DENND1A: variants seen among roughly 807,000 people sequenced by gnomAD.
DENND1A encodes DENN domain-containing protein 1A.
DENND1A carries 51 observed loss-of-function variants against 113.7 expected under a neutral mutation model. That is an observed-to-expected ratio of 0.45 (90% confidence interval 0.36 to 0.57). The LOEUF (loss-of-function observed/expected upper bound fraction) is 0.57, where lower values mean the gene tolerates loss of function less well. Among genes scored for constraint, DENND1A ranks in the 20% least tolerant of loss-of-function variants. The probability of loss-of-function intolerance (pLI) is 0.00; values close to 1 mark genes in which losing one functional copy is unlikely to be tolerated. For missense variants in DENND1A, 1,258 were observed against 1,395.9 expected, an observed-to-expected ratio of 0.90 and a Z score of 1.57; for synonymous variants, 565 against 570.8, an observed-to-expected ratio of 0.99 and a Z score of 0.14.
At chr9:123,420,956 T>C (rs2045241483) in intron 19 of DENND1A, among the ~76,000 whole-genome samples, 1 of 151,164 alleles carries the variant, frequency 6.6e-6, no homozygotes, top group Non-Finnish European at 1.5e-5. Flanking sequence ...ATCCCATTGG[T>C]GGCCGGAGGT....
chr9:123,485,537 C>T (rs546170628), intron 13 of DENND1A: 1 of 152,228 alleles, frequency 6.6e-6, no homozygotes, highest in African/African-American at 2.4e-5. Flanking sequence ...AGCAGGGCTC[C>T]CCCACCTGAG....
chr9:123,689,330 T>C (rs1007649543), intron 5 of DENND1A, among the ~76,000 whole-genome samples: 1 of 152,234 alleles, frequency 6.6e-6, no homozygotes, highest in Non-Finnish European at 1.5e-5. Flanking sequence ...TGGCCTCTGA[T>C]GTAAATTCAT....
intron 12 of DENND1A, among the ~76,000 whole-genome samples, chr9:123,575,955 T>C (rs2058613366): frequency 6.6e-6 from 1 of 152,222 alleles, no homozygotes; most frequent in African/African-American, 2.4e-5. Context: ...ACAATGTATG[T>C]TTAATGTAAA....
At chr9:123,432,541 G>A (rs748178676) in intron 19 of DENND1A, among the ~76,000 whole-genome samples, 4 of 152,162 alleles carry the variant, frequency 2.6e-5, no homozygotes, top group Admixed American at 6.5e-5. Flanking sequence ...TGGAGGGAGC[G>A]GAGTGGGGAG....
Position 123,383,696 on chromosome 9 carries a change from G to T in DENND1A, c.1978C>A (p.Pro660Thr). Residue 660 changes from proline to threonine, a missense_variant, in exon 23 of 24, where the codon CCC becomes ACC. Pro to Thr is a conservative substitution (Grantham distance 38). This residue lies in a region of DENND1A where 1,159 missense variants were observed against 1,231.7 expected (regional missense o/e 0.94). Transcript: ENST00000394215. ...CCTGGCTGCTCCCTCAGGTCTTTGG[G>T]GGCACGAAGGTCCTCTAAGCTCTTG... ...QAKSLEDLRA[P>T]KDLREQPGTF... 4 of 1,614,078 alleles carry T rather than the reference G, an allele frequency of 2.5e-6. No individual in the cohort carries two copies. Among genetic ancestry groups the T allele is most frequent in the Non-Finnish European group, 3.4e-6 (4 of 1,180,018 alleles).
intron 2 of DENND1A, among the ~76,000 whole-genome samples, chr9:123,833,771 C>G (rs1840646124): frequency 6.6e-6 from 1 of 152,106 alleles, no homozygotes; most frequent in Non-Finnish European, 1.5e-5. Context: ...GTCTTAAAAC[C>G]AGCTTCAGGC....
chr9:123,494,407 C>T (rs915091893), intron 13 of DENND1A, among the ~76,000 whole-genome samples: 11 of 152,174 alleles, frequency 7.2e-5, no homozygotes, highest in South Asian at 2.1e-4. Context: ...GGTGGGGGTA[C>T]GTCAGTTTCA....
At chr9:123,672,826 G>C (rs552661691) in intron 6 of DENND1A, among the ~76,000 whole-genome samples, 2 of 152,300 alleles carry the variant, frequency 1.3e-5, no homozygotes, top group African/African-American at 4.8e-5. Flanking sequence ...CCAGTCTGTG[G>C]TATTCTGTTA....
Position 123,817,811 on chromosome 9 carries a change from G to A in DENND1A, c.89-25181C>T, listed in dbSNP as rs138549671. 2.2e-3 allele frequency among the ~76,000 whole-genome samples: 332 copies of A among 152,210 alleles called. 1 individual carries two copies. Among genetic ancestry groups the A allele is most frequent in the African/African-American group, 7.6e-3 (317 of 41,534 alleles). On this transcript the variant is annotated intron_variant, in intron 2 of 23. Coordinates refer to ENST00000394215, the MANE Select transcript of DENND1A (RefSeq NM_001352964.2). ...GGAGGCCGAGGTGGGTGGATCACCT[G>A]AGGTCAGGAATTCGAGACCAGCCTG...
At chr9:123,509,741 G>T (rs1350189140) in intron 13 of DENND1A, among the ~76,000 whole-genome samples, 1 of 152,152 alleles carries the variant, frequency 6.6e-6, no homozygotes, top group Non-Finnish European at 1.5e-5. Flanking sequence ...TTGTATGCTG[G>T]ATGCTTACAC....
intron 5 of DENND1A, among the ~76,000 whole-genome samples, chr9:123,719,906 C>T (rs533941614): frequency 8.5e-5 from 13 of 152,212 alleles, no homozygotes; most frequent in South Asian, 4.1e-4. Context: ...TAGAACATTT[C>T]GGATTTTGAA....
chr9:123,451,469 C>T lies in DENND1A; in HGVS notation c.1300-720G>A, dbSNP rs138149041. ...CAGATGTGCTCTCCTATTTTCACTC[C>T]GCTGTGGACACGAGTCTTACAAATA... is the stretch of plus-strand genomic sequence containing the variant. On this transcript the variant is annotated intron_variant, in intron 17 of 23. Coordinates refer to ENST00000394215, the MANE Select transcript of DENND1A (RefSeq NM_001352964.2). Among the ~76,000 whole-genome samples the T allele has an allele frequency of 4.4e-3, 669 of 152,274 alleles. 4 individuals are homozygous for T. Among genetic ancestry groups the T allele is most frequent in the African/African-American group, 0.015 (634 of 41,552 alleles).
intron 9 of DENND1A, among the ~76,000 whole-genome samples, chr9:123,648,133 G>A (rs1345454606): frequency 6.6e-6 from 1 of 152,192 alleles, no homozygotes; most frequent in Non-Finnish European, 1.5e-5. Flanking sequence ...ACGCTGGAGT[G>A]AAGTGGTATG....
At chr9:123,544,970 C>T (rs1158930439) in intron 13 of DENND1A, among the ~76,000 whole-genome samples, 3 of 151,988 alleles carry the variant, frequency 2.0e-5, no homozygotes, top group East Asian at 1.9e-4. Context: ...TGGTGGCGGG[C>T]GCCTGTAGTC....
chr9:123,733,159 T>C lies in DENND1A; in HGVS notation c.302+24544A>G, dbSNP rs545606915. Among the ~76,000 whole-genome samples, 3 of 152,260 alleles carry C rather than the reference T, an allele frequency of 2.0e-5. No homozygotes were observed. In the South Asian group the frequency reaches 6.2e-4, roughly 32 times the overall value. ...ACCACACTCGGCTAATTTTGTATTT[T>C]TAGTAGAGACGGGGTTTCTCCATGT... On this transcript the variant is annotated intron_variant, in intron 5 of 23. Transcript: ENST00000394215.
At position 123,438,579 on chromosome 9, in the gene DENND1A, C is replaced by T. The variant is rs1016552061; in HGVS notation, c.1488+1781G>A. On this transcript the variant is annotated intron_variant, in intron 19 of 23. Transcript: ENST00000394215. ...TGATACTAGGGGCTTGACCTTAATC[C>T]GCATGCATGCATTAAAAAAAAAAAT... Among the ~76,000 whole-genome samples the T allele has an allele frequency of 3.9e-5, 6 of 151,942 alleles. 1 individual carries two copies. The highest frequency in any genetic ancestry group is 2.1e-4 in the South Asian group (1 of 4,818).
intron 5 of DENND1A, among the ~76,000 whole-genome samples, chr9:123,697,377 T>C (rs1162810197): frequency 2.0e-5 from 3 of 152,344 alleles, no homozygotes; most frequent in African/African-American, 4.8e-5. Flanking sequence ...GTTGTTGTTA[T>C]AGAATTTTAT....
chr9:123,792,826 A>G (rs149613187), intron 2 of DENND1A, among the ~76,000 whole-genome samples, 196 bp from the exon 3 acceptor site: 3 of 152,328 alleles, frequency 2.0e-5, no homozygotes, highest in African/African-American at 7.2e-5. Context: ...AAATATAAAA[A>G]AGAAAAATTT....
intron 5 of DENND1A, among the ~76,000 whole-genome samples, chr9:123,738,094 G>A (rs2068706482): frequency 6.6e-6 from 1 of 152,058 alleles, no homozygotes; most frequent in Non-Finnish European, 1.5e-5. Flanking sequence ...TCTATCAAGG[G>A]ACTCATAACC....
Sources: gnomAD v4.1 joint callset for allele counts (sites outside exome capture counted in the v4.1 genomes callset) on GRCh38, gnomAD v4.1.1 for gene constraint, gnomAD v4.1.1 regional missense constraint, MANE v1.5 for transcripts, NCBI Gene and HGNC (gene_info 2026-07-23, HGNC 2026-07-21) for gene names.